CCDC50: variants seen among roughly 807,000 people sequenced by gnomAD.
The protein encoded by CCDC50 is coiled-coil domain-containing protein 50.
In CCDC50, 54 loss-of-function variants were observed where a neutral mutation model predicts 70.2. That is an observed-to-expected ratio of 0.77 (90% confidence interval 0.62 to 0.96). The LOEUF (loss-of-function observed/expected upper bound fraction) is 0.96. Among genes scored for constraint, CCDC50 ranks in the 50% least tolerant of loss-of-function variants. CCDC50 has a pLI of 0.00. For synonymous variants in CCDC50, 216 were observed against 198.8 expected, an observed-to-expected ratio of 1.09 and a Z score of -0.73; for missense variants, 558 against 578.7, an observed-to-expected ratio of 0.96 and a Z score of 0.37.
At chr3:191,382,668 A>G (rs1304374157) in intron 9 of CCDC50, 78 bp from the exon 10 acceptor site, 3 of 927,278 alleles carry the variant, frequency 3.2e-6, no homozygotes, top group Non-Finnish European at 5.4e-6. Context: ...CGTTAAACTT[A>G]ATCTTTCCCT....
rs79930291 is a variant in CCDC50 at position 191,365,153 on chromosome 3, CT to C, written c.330+4004del. 5.2e-3 allele frequency among the ~76,000 whole-genome samples: 779 copies of C among 149,226 alleles called. 6 individuals are homozygous for C. Among genetic ancestry groups the C allele is most frequent in the Non-Finnish European group, 8.9e-3 (595 of 67,024 alleles). ...AATGTGCAACTATTTTAAGGAAAAA[CT>C]TTTTTTTTTCCTTAAATAAATATTA... is the stretch of plus-strand genomic sequence containing the variant. On this transcript the variant is annotated intron_variant, in intron 4 of 11. Transcript: ENST00000392455.
rs920792652 is a variant in CCDC50 at position 191,394,796 on chromosome 3, G to C, written c.*3036G>C. 1 of 152,104 alleles carries C rather than the reference G, an allele frequency of 6.6e-6. No individual in the cohort carries two copies. The highest frequency in any genetic ancestry group is 1.5e-5 in the Non-Finnish European group (1 of 67,990). 9.4% of individuals were successfully genotyped at this position (152,104 alleles called of 1,614,324 possible). The stretch of plus-strand genomic sequence containing the variant: ...GACTTGAAAAATATTTGACTTTTGC[G>C]TTCAAACCACTGTTAGACGTAAGTA... On this transcript the variant is annotated 3_prime_UTR_variant, in exon 12 of 12. Coordinates refer to ENST00000392455, the MANE Select transcript of CCDC50 (RefSeq NM_178335.3).
chr3:191,329,933 G>C (rs1349193827), intron 1 of CCDC50, among the ~76,000 whole-genome samples: 1 of 78,698 alleles, frequency 1.3e-5, no homozygotes, highest in Non-Finnish European at 2.2e-5. Flanking sequence ...TTTTTCTCAA[G>C]GGGGTGGTTG....
rs1322838605 is a variant in CCDC50, at chr3:191,397,617, T to G, written c.*5857T>G. 5 of 152,208 alleles carry G rather than the reference T, an allele frequency of 3.3e-5. No homozygotes were observed. The highest frequency in any genetic ancestry group is 5.9e-5 in the Non-Finnish European group (4 of 68,026). The allele number at this position is 152,208 out of a possible 1,614,324, so 9.4% of individuals were successfully genotyped here. ...CAAGAGTTTGCTCATATAAATCAAG[T>G]TGCCCAGGAAACCTGAGGTGATGCT... is the stretch of plus-strand genomic sequence containing the variant. On this transcript the variant is annotated 3_prime_UTR_variant, in exon 12 of 12. Coordinates refer to ENST00000392455, the MANE Select transcript of CCDC50 (RefSeq NM_178335.3).
At chr3:191,369,547 T>C (rs1712822654) in intron 4 of CCDC50, among the ~76,000 whole-genome samples, 1 of 152,172 alleles carries the variant, frequency 6.6e-6, no homozygotes, top group African/African-American at 2.4e-5. Flanking sequence ...TTTTAAATTA[T>C]AAAGTTTTGT....
At chr3:191,376,768 C>A (rs140821241) in intron 6 of CCDC50, among the ~76,000 whole-genome samples, 60 of 152,104 alleles carry the variant, frequency 3.9e-4, no homozygotes, top group African/African-American at 1.4e-3. Flanking sequence ...TAAAGAGCTG[C>A]GGAAAAATAG....
intron 10 of CCDC50, among the ~76,000 whole-genome samples, chr3:191,384,615 A>C (rs956510989): frequency 6.6e-6 from 1 of 152,200 alleles, no homozygotes; most frequent in African/African-American, 2.4e-5. Context: ...TGTCTGTTAC[A>C]GAATTTTCTA....
chr3:191,349,966 A>ACCCAC (rs1712049829), intron 1 of CCDC50, among the ~76,000 whole-genome samples: 1 of 105,622 alleles, frequency 9.5e-6, no homozygotes, highest in African/African-American at 3.1e-5. Context: ...ATTTAATAAT[A>ACCCAC]CCCCCCCCCT....
rs1712044040 is a variant in CCDC50 at position 191,349,833 on chromosome 3, T to C, written c.50-7255T>C. ...GTGAGGCAAAGTAAACTAGGTCTCA[T>C]TTTTATTTGCATTTTGGGGGACATG... On this transcript the variant is annotated intron_variant, in intron 1 of 11. Transcript: ENST00000392455. Among the ~76,000 whole-genome samples the C allele has an allele frequency of 1.4e-5, 2 of 141,740 alleles. 1 individual carries two copies. The highest frequency in any genetic ancestry group is 3.2e-5 in the Non-Finnish European group (2 of 62,872). 93.0% of individuals were successfully genotyped at this position (141,740 alleles called of 152,430 possible).
At chr3:191,346,203 A>G (rs183916275) in intron 1 of CCDC50, among the ~76,000 whole-genome samples, 14 of 152,328 alleles carry the variant, frequency 9.2e-5, no homozygotes, top group African/African-American at 3.4e-4. Context: ...TTCCTTGTAA[A>G]TATTTCTTGC....
intron 10 of CCDC50, among the ~76,000 whole-genome samples, chr3:191,387,282 A>C (rs1713528327): frequency 6.6e-6 from 1 of 152,204 alleles, no homozygotes; most frequent in Admixed American, 6.5e-5. Context: ...TTCTTAAAGA[A>C]GTGAATTTTG....
At position 191,397,694 on chromosome 3, in the gene CCDC50, A is replaced by G. The variant is rs1275705105; in HGVS notation, c.*5934A>G. On this transcript the variant is annotated 3_prime_UTR_variant, in exon 12 of 12. Transcript: ENST00000392455. ...TGATCTCTTGAGAGAGAGACTACGC[A>G]TTGCCTGGGCACTTTCAGATTCCTT... 2.6e-5 allele frequency: 4 copies of G among 152,210 alleles called. No individual in the cohort carries two copies. Among genetic ancestry groups the G allele is most frequent in the Non-Finnish European group, 5.9e-5 (4 of 68,042 alleles). The allele number at this position is 152,210 out of a possible 1,614,324, so 9.4% of individuals were successfully genotyped here. A position where few individuals can be genotyped will look rare whatever the true frequency, so the allele number is the denominator to read the frequency against.
chr3:191,332,233 G>A (rs1718013609), intron 1 of CCDC50, among the ~76,000 whole-genome samples: 1 of 152,132 alleles, frequency 6.6e-6, no homozygotes, highest in East Asian at 1.9e-4. Flanking sequence ...GAAATCTAAT[G>A]CTTGCTTACT....
intron 1 of CCDC50, among the ~76,000 whole-genome samples, chr3:191,342,334 T>G (rs1207170957): frequency 6.6e-6 from 1 of 152,188 alleles, no homozygotes; most frequent in African/African-American, 2.4e-5. Flanking sequence ...GTTGGGGAAT[T>G]TTGAATATTG....
At chr3:191,372,708 T>C (rs538091311) in intron 5 of CCDC50, among the ~76,000 whole-genome samples, 18 of 152,274 alleles carry the variant, frequency 1.2e-4, no homozygotes, top group Admixed American at 2.6e-4. Context: ...AAAACATTTG[T>C]CAAATTTATA....
intron 4 of CCDC50, 85 bp from the exon 5 acceptor site, chr3:191,369,834 T>G (rs1009159711): frequency 1.1e-6 from 1 of 929,794 alleles, no homozygotes. Context: ...ACATACAAAC[T>G]TGGCAGTGGA....
intron 6 of CCDC50, among the ~76,000 whole-genome samples, chr3:191,378,443 T>G (rs755866967): frequency 6.6e-6 from 1 of 152,128 alleles, no homozygotes; most frequent in South Asian, 2.1e-4. Flanking sequence ...CTCTTGAAAT[T>G]TGAGCACATC....
At chr3:191,331,789 C>CAG (rs1463992752) in intron 1 of CCDC50, among the ~76,000 whole-genome samples, 13 of 152,294 alleles carry the variant, frequency 8.5e-5, no homozygotes, top group Admixed American at 7.2e-4. Flanking sequence ...TACTCCCTAA[C>CAG]AGTGTCTTTA....
rs1042224618 is a variant in CCDC50 at position 191,395,263 on chromosome 3, A to G, written c.*3503A>G. The G allele has an allele frequency of 6.6e-6, 1 of 152,116 alleles. No homozygotes were observed. Among genetic ancestry groups the G allele is most frequent in the African/African-American group, 2.4e-5 (1 of 41,438 alleles). The allele number at this position is 152,116 out of a possible 1,614,324, so 9.4% of individuals were successfully genotyped here. ...AATTCTTTGCTGACTGTTGCTCATC[A>G]CTTTCTCTCAAAGTTAGAACTTTTC... On this transcript the variant is annotated 3_prime_UTR_variant, in exon 12 of 12. Transcript: ENST00000392455.
Sources: allele counts gnomAD v4.1 joint callset (sites outside exome capture counted in the v4.1 genomes callset), GRCh38; gene constraint gnomAD v4.1.1; transcripts MANE v1.5; gene names NCBI Gene and HGNC (gene_info 2026-07-23, HGNC 2026-07-21).